MYH11: variants seen among roughly 807,000 people sequenced by gnomAD.
MYH11 encodes the protein myosin heavy chain 11.
A neutral mutation model predicts 246.6 loss-of-function variants in MYH11; 80 were observed. The observed-to-expected ratio is 0.32, with a 90% CI of 0.27 to 0.39. The LOEUF is 0.39. MYH11 is among the 10% of genes least tolerant of loss of function. The probability of loss-of-function intolerance (pLI) is 1.00; values close to 1 mark genes in which losing one functional copy is unlikely to be tolerated. For missense variants in MYH11, 2,158 were observed against 2,546.8 expected, an observed-to-expected ratio of 0.85 and a Z score of 3.29; for synonymous variants, 1,071 against 1,015.5, an observed-to-expected ratio of 1.05 and a Z score of -1.04.
At position 15,788,095 on chromosome 16, in the gene MYH11, T is replaced by TTTTTA. The variant is rs11273419; in HGVS notation, c.531-1364_531-1363insTAAAA. Among the ~76,000 whole-genome samples, 35 of 99,520 alleles carry TTTTTA rather than the reference T, an allele frequency of 3.5e-4. 5 individuals carry two copies. The East Asian group carries it at 4.0e-3, about 11-fold the overall frequency. 65.3% of individuals were successfully genotyped at this position (99,520 alleles called of 152,430 possible). ...GGTAGATCTTTTTTTTTTTTTTTTT[T>TTTTTA]ACCAAGATGGCTTTCGTGCACTAGC... On this transcript the variant is annotated intron_variant, in intron 4 of 40. Transcript: ENST00000300036.
At chr16:15,837,883 G>T in intron 2 of MYH11, 25 bp downstream of exon 2, 2 of 1,584,562 alleles carry the variant, frequency 1.3e-6, no homozygotes, top group South Asian at 1.1e-5. Flanking sequence ...CCAGGAGTAG[G>T]TACCTGGCTG....
At chr16:15,808,565 A>G (rs748179303) in intron 3 of MYH11, among the ~76,000 whole-genome samples, 5 of 152,166 alleles carry the variant, frequency 3.3e-5, no homozygotes, top group Non-Finnish European at 5.9e-5. Flanking sequence ...GCAACCCAAC[A>G]GGTGTTTTCC....
intron 36 of MYH11, chr16:15,719,003 C>T: frequency 1.7e-6 from 1 of 603,086 alleles, no homozygotes; most frequent in Non-Finnish European, 3.0e-6. Flanking sequence ...TGGTACACAC[C>T]TGTAGTCTCA....
At chr16:15,775,787 G>T in intron 8 of MYH11, 1 of 477,048 alleles carries the variant, frequency 2.1e-6, no homozygotes, top group Non-Finnish European at 3.8e-6. Flanking sequence ...ATTGTGTCTA[G>T]TTGGACTTGA....
intron 8 of MYH11, among the ~76,000 whole-genome samples, chr16:15,773,351 G>A (rs938228754): frequency 1.4e-5 from 2 of 147,564 alleles, no homozygotes; most frequent in Non-Finnish European, 3.0e-5. Context: ...GCAGTGGTGC[G>A]ATATTGGCTG....
intron 3 of MYH11, among the ~76,000 whole-genome samples, chr16:15,806,060 C>T (rs945756767): frequency 1.3e-4 from 20 of 151,238 alleles, no homozygotes; most frequent in Non-Finnish European, 2.9e-5. Context: ...GGGCAGATCA[C>T]GAGGTCAGGA....
At chr16:15,756,202 TTGGTTGGGATTC>T (rs1379350701) in intron 14 of MYH11, 127 bp downstream of exon 14, 2 of 911,678 alleles carry the variant, frequency 2.2e-6, no homozygotes, top group African/African-American at 3.3e-5. Context: ...CGAATAGGAC[TTGGTTGGGATTC>T]GCTTAGCAGC....
At chr16:15,824,529 T>A (rs768507907) in intron 2 of MYH11, among the ~76,000 whole-genome samples, 2 of 152,096 alleles carry the variant, frequency 1.3e-5, no homozygotes, top group African/African-American at 2.4e-5. Context: ...GATGCGCCAG[T>A]CTCAGCCTCC....
intron 40 of MYH11, chr16:15,708,870 T>C: frequency 6.2e-7 from 1 of 1,606,392 alleles, no homozygotes. Flanking sequence ...CCCCGGAGGT[T>C]ACCATCAGCA....
At chr16:15,743,737 A>T (rs1231141351) in intron 20 of MYH11, among the ~76,000 whole-genome samples, 1 of 152,224 alleles carries the variant, frequency 6.6e-6, no homozygotes, top group Non-Finnish European at 1.5e-5. Context: ...GTCAGGGACC[A>T]TGGTGTGTGT....
At chr16:15,759,535 A>T in intron 12 of MYH11, 41 bp downstream of exon 12, 1 of 1,613,996 alleles carries the variant, frequency 6.2e-7, no homozygotes, top group Non-Finnish European at 8.5e-7. Context: ...CCCATCTCAG[A>T]CAACCAAGAC....
chr16:15,734,902 G>T (rs116905849), intron 26 of MYH11, among the ~76,000 whole-genome samples: 1 of 152,046 alleles, frequency 6.6e-6, no homozygotes, highest in African/African-American at 2.4e-5. Context: ...GATGAGGGTC[G>T]GGTGCAGTGG....
chr16:15,848,388 CA>C (rs1214010045), intron 1 of MYH11, among the ~76,000 whole-genome samples: 7 of 152,128 alleles, frequency 4.6e-5, no homozygotes, highest in Middle Eastern at 3.4e-3. Flanking sequence ...CATGCGCTAC[CA>C]TGCCTGGCTA....
At chr16:15,820,029 T>C (rs2043365414) in intron 3 of MYH11, among the ~76,000 whole-genome samples, 1 of 152,060 alleles carries the variant, frequency 6.6e-6, no homozygotes, top group Non-Finnish European at 1.5e-5. Flanking sequence ...GCAAAGTCAG[T>C]GGCCTTGGAA....
At chr16:15,714,401 T>C (rs2039995460) in intron 40 of MYH11, 1 of 184,872 alleles carries the variant, frequency 5.4e-6, no homozygotes, top group Non-Finnish European at 1.1e-5. Context: ...AGGCCAGAAA[T>C]GTAAGCACCT....
intron 40 of MYH11, chr16:15,711,228 A>G (rs2039775060): frequency 6.6e-6 from 1 of 152,188 alleles, no homozygotes; most frequent in Non-Finnish European, 1.5e-5. Context: ...CCCAAACTCT[A>G]GAGGTGATTT....
chr16:15,712,527 C>A lies in MYH11; in HGVS notation c.5786+2382G>T, dbSNP rs184905432. On this transcript the variant is annotated intron_variant, in intron 40 of 40. Transcript: ENST00000300036. ...GCCAAAAATAGCTTGAACTGGGAGG[C>A]AGAGGTTGCAGTGAGCTGAGATAGT... Among the ~76,000 whole-genome samples the A allele has an allele frequency of 1.9e-3, 290 of 152,020 alleles. 3 individuals are homozygous for A. The highest frequency in any genetic ancestry group is 1.7e-3 in the Non-Finnish European group (116 of 67,948).
chr16:15,827,500 A>G (rs1475608600), intron 2 of MYH11, among the ~76,000 whole-genome samples: 1 of 152,172 alleles, frequency 6.6e-6, no homozygotes, highest in Non-Finnish European at 1.5e-5. Context: ...AGCGGGGCCC[A>G]GGAGCAACAT....
At chr16:15,810,192 C>G (rs1251841681) in intron 3 of MYH11, among the ~76,000 whole-genome samples, 1 of 151,680 alleles carries the variant, frequency 6.6e-6, no homozygotes, top group East Asian at 2.0e-4. Flanking sequence ...CACCACCATG[C>G]CTGGCTAATT....
Sources: allele counts gnomAD v4.1 joint callset (sites outside exome capture counted in the v4.1 genomes callset), GRCh38; gene constraint gnomAD v4.1.1; transcripts MANE v1.5; gene names NCBI Gene and HGNC (gene_info 2026-07-23, HGNC 2026-07-21).